The following SIRT1 variants were observed in gnomAD, a reference collection of about 807,000 sequenced individuals.
The protein encoded by SIRT1 is NAD-dependent protein deacetylase sirtuin-1.
Under a neutral mutation model 67.9 loss-of-function variants are expected in SIRT1, and 24 were observed. The ratio of observed to expected loss-of-function variants is 0.35; its 90% confidence interval spans 0.26 to 0.50. The LOEUF (loss-of-function observed/expected upper bound fraction) is 0.50. SIRT1 is among the 20% of genes least tolerant of loss of function. SIRT1 has a pLI of 0.98. For missense variants in SIRT1, 873 were observed against 937.2 expected (o/e 0.93, Z 0.89); for synonymous variants, 378 against 350.7 (o/e 1.08, Z -0.87).
chr10:67,890,032 TG>T (rs1322613852), intron 3 of SIRT1, among the ~76,000 whole-genome samples: 1 of 151,092 alleles, frequency 6.6e-6, no homozygotes, highest in Non-Finnish European at 1.5e-5. Flanking sequence ...CTGGCTGGAG[TG>T]CAGTGGTGTC....
At chr10:67,889,456 T>C (rs919899376) in intron 3 of SIRT1, among the ~76,000 whole-genome samples, 2 of 152,140 alleles carry the variant, frequency 1.3e-5, no homozygotes, top group African/African-American at 4.8e-5. Flanking sequence ...GATGGAGAAA[T>C]TGGGTATTTG....
chr10:67,895,634 A>G (rs896645713), intron 4 of SIRT1, among the ~76,000 whole-genome samples: 22 of 151,100 alleles, frequency 1.5e-4, no homozygotes, highest in Non-Finnish European at 5.9e-5. Context: ...TGAAATTTAG[A>G]TACTTCAGAA....
Position 67,884,683 on chromosome 10 carries a change from G to A in SIRT1, c.-39G>A, listed in dbSNP as rs777401273. ...CAGTGCCGCGCGTCGAGCGGGAGCA[G>A]AGGAGGCGAGGGAGGAGGGCCAGAG... On this transcript the variant is annotated 5_prime_UTR_variant, in exon 1 of 9. Coordinates refer to ENST00000212015, the MANE Select transcript of SIRT1 (RefSeq NM_012238.5). 2 of 1,227,198 alleles carry A rather than the reference G, an allele frequency of 1.6e-6. No individual in the cohort carries two copies. The highest frequency in any genetic ancestry group is 8.4e-5 in the South Asian group (2 of 23,902). 76.0% of individuals were successfully genotyped at this position (1,227,198 alleles called of 1,614,324 possible). A position where few individuals can be genotyped will look rare whatever the true frequency, so the allele number is the denominator to read the frequency against.
At chr10:67,888,228 T>C (rs1362680205) in intron 2 of SIRT1, among the ~76,000 whole-genome samples, 2 of 152,182 alleles carry the variant, frequency 1.3e-5, no homozygotes, top group Non-Finnish European at 2.9e-5. Flanking sequence ...AGTGGATCTT[T>C]TTGTGTTCTC....
chr10:67,912,679 G>T lies in SIRT1; in HGVS notation c.1563G>T (p.Leu521Phe). ...AACCTCCACGAACACAAAAAGAATT[G>T]GCTTATTTGTCAGAGTTGCCACCCA... ...TEKPPRTQKE[L>F]AYLSELPPTP... Residue 521 changes from leucine (L) to phenylalanine (F), a missense_variant, in exon 8 of 9, where the codon TTG becomes TTT. This residue lies in a region of SIRT1 where 295 missense variants were observed against 294.5 expected (regional missense o/e 1.00). Transcript: ENST00000212015. 8.7e-6 allele frequency: 14 copies of T among 1,614,052 alleles called. No individual in the cohort carries two copies. The highest frequency in any genetic ancestry group is 1.2e-5 in the Non-Finnish European group (14 of 1,180,004).
Position 67,909,152 on chromosome 10 carries a change from T to A in SIRT1, c.1171-104T>A, listed in dbSNP as rs35737493. 3,003 of 750,188 alleles carry A rather than the reference T, an allele frequency of 4.0e-3. 28 individuals are homozygous for A. Among genetic ancestry groups the A allele is most frequent in the African/African-American group, 0.024 (1,370 of 56,022 alleles). The allele number at this position is 750,188 out of a possible 1,614,324, so 46.5% of individuals were successfully genotyped here. ...TAGCTTTTCTGTTTTGTTTTTTTTT[T>A]AATAATTCTGAAATGTATTCTTAGA... On this transcript the variant is annotated intron_variant, in intron 6 of 8. Transcript: ENST00000212015.
rs377219121 is a variant in SIRT1, at chr10:67,898,536, TCAA to T, written c.942+6984_942+6986del. Among the ~76,000 whole-genome samples, 35 of 152,328 alleles carry T rather than the reference TCAA, an allele frequency of 2.3e-4. 1 individual carries two copies. The highest frequency in any genetic ancestry group is 8.2e-4 in the African/African-American group (34 of 41,584). ...AGTTCTAGAACAAGCTTATTAAAAA[TCAA>T]CGTCAGTAAAAAGAAAATAGATGGT... is the stretch of plus-strand genomic sequence containing the variant. On this transcript the variant is annotated intron_variant, in intron 4 of 8. Transcript: ENST00000212015.
At chr10:67,907,055 C>T in intron 5 of SIRT1, 118 bp downstream of exon 5, 1 of 898,980 alleles carries the variant, frequency 1.1e-6, no homozygotes, top group Non-Finnish European at 1.6e-6. Context: ...CATGTTATCT[C>T]ATTTATCGAT....
chr10:67,885,825 T>C (rs1564881424), intron 1 of SIRT1, among the ~76,000 whole-genome samples: 1 of 152,156 alleles, frequency 6.6e-6, no homozygotes, highest in Admixed American at 6.6e-5. Flanking sequence ...TCTTGTGCGG[T>C]AATGGTGTTT....
At chr10:67,900,064 A>G (rs989167661) in intron 4 of SIRT1, among the ~76,000 whole-genome samples, 4 of 152,346 alleles carry the variant, frequency 2.6e-5, no homozygotes, top group South Asian at 2.1e-4. Flanking sequence ...AGCCTGGGCA[A>G]CAGAGCGAGA....
intron 4 of SIRT1, among the ~76,000 whole-genome samples, chr10:67,892,562 G>A (rs1220152238): frequency 6.6e-6 from 1 of 151,808 alleles, no homozygotes; most frequent in Non-Finnish European, 1.5e-5. Flanking sequence ...CAGAGCAAGA[G>A]TGTTTCCAAA....
At position 67,909,410 on chromosome 10, in the gene SIRT1, C is replaced by T; in HGVS notation, c.1325C>T (p.Ser442Phe). The T allele has an allele frequency of 6.2e-7, 1 of 1,611,758 alleles. No individual in the cohort carries two copies. The highest frequency in any genetic ancestry group is 8.5e-7 in the Non-Finnish European group (1 of 1,179,444). ...EVDLLIVIGS[S>F]LKVRPVALIP... ...GACCTCCTCATTGTTATTGGGTCTTCCCTCAAAGTAAGACCAGTAGCACTA... is the reference window on the plus strand; with the variant it reads ...GACCTCCTCATTGTTATTGGGTCTTTCCTCAAAGTAAGACCAGTAGCACTA... The change falls in exon 7 of 9, where the codon TCC becomes TTC. Residue 442 changes from serine (S) to phenylalanine (F), a missense_variant. Around this residue, in one of 3 missense-constraint regions of SIRT1, gnomAD observed 251 missense variants for 358.8 expected, o/e 0.70. Transcript: ENST00000212015.
At chr10:67,898,250 C>A in intron 4 of SIRT1, among the ~76,000 whole-genome samples, 1 of 133,872 alleles carries the variant, frequency 7.5e-6, no homozygotes, top group Non-Finnish European at 1.5e-5. Flanking sequence ...GAGAGTGAGA[C>A]TCTGTCTCAA....
At chr10:67,911,491 T>A (rs139715195) in intron 7 of SIRT1, among the ~76,000 whole-genome samples, 18 of 152,276 alleles carry the variant, frequency 1.2e-4, no homozygotes, top group Non-Finnish European at 2.5e-4. Flanking sequence ...CCATGCCTGG[T>A]CCTTAAAAAC....
chr10:67,890,116 C>G lies in SIRT1; in HGVS notation c.789+993C>G, dbSNP rs1298178144. Among the ~76,000 whole-genome samples the G allele has an allele frequency of 2.0e-5, 3 of 152,012 alleles. No homozygotes were observed. The East Asian group carries it at 5.8e-4, about 29-fold the overall frequency. ...TGTTGCCTAGGCTGGAGTGCAGTGG[C>G]AGGATCTTGGCTCACTGCAACCTCT... On this transcript the variant is annotated intron_variant, in intron 3 of 8. Coordinates refer to ENST00000212015, the MANE Select transcript of SIRT1 (RefSeq NM_012238.5).
chr10:67,913,009 G>C lies in SIRT1; in HGVS notation c.1893G>C (p.Glu631Asp), dbSNP rs1296052737. The change falls in exon 8 of 9, where the codon GAG (glutamate) becomes GAC (aspartate). Residue 631 changes from glutamate to aspartate, a missense_variant. Physicochemically the swap from Glu to Asp is conservative, Grantham distance 45 (BLOSUM62 2). This residue lies in a region of SIRT1 where 295 missense variants were observed against 294.5 expected (regional missense o/e 1.00). Coordinates refer to ENST00000212015, the MANE Select transcript of SIRT1 (RefSeq NM_012238.5). Reference protein sequence around the residue: ...RKCWPNRVAKEQISRRLDGNQ... With the variant: ...RKCWPNRVAKDQISRRLDGNQ... ...GCTGGCCTAATAGAGTGGCAAAGGA[G>C]CAGATTAGTAGGCGGCTTGATGGTA... The C allele has an allele frequency of 6.2e-7, 1 of 1,607,628 alleles. No individual in the cohort carries two copies. The highest frequency in any genetic ancestry group is 1.7e-5 in the Admixed American group (1 of 58,252).
intron 4 of SIRT1, among the ~76,000 whole-genome samples, chr10:67,903,001 G>A (rs1842765827): frequency 6.6e-6 from 1 of 152,158 alleles, no homozygotes; most frequent in Non-Finnish European, 1.5e-5. Flanking sequence ...TGAGGTGGGA[G>A]AATTGCCTAA....
chr10:67,890,431 C>A (rs995972722), intron 3 of SIRT1, among the ~76,000 whole-genome samples: 3 of 152,040 alleles, frequency 2.0e-5, no homozygotes, highest in African/African-American at 7.2e-5. Flanking sequence ...GGAGCAATTT[C>A]TTTGGAATTA....
chr10:67,907,186 A>G (rs565314657), intron 5 of SIRT1, among the ~76,000 whole-genome samples: 4 of 152,234 alleles, frequency 2.6e-5, no homozygotes, highest in Admixed American at 6.5e-5. Context: ...AGTTGCATGC[A>G]TTCAATTATT....
Sources: gnomAD v4.1 joint callset for allele counts (sites outside exome capture counted in the v4.1 genomes callset) on GRCh38, gnomAD v4.1.1 for gene constraint, gnomAD v4.1.1 regional missense constraint, MANE v1.5 for transcripts, NCBI Gene and HGNC (gene_info 2026-07-23, HGNC 2026-07-21) for gene names.